The following MOB3B variants were observed in gnomAD, a reference collection of about 807,000 sequenced individuals.
MOB3B encodes MOB kinase activator 3B.
MOB3B carries 7 observed loss-of-function variants against 18.7 expected under a neutral mutation model. That is an observed-to-expected ratio of 0.37 (90% confidence interval 0.21 to 0.70). MOB3B has a LOEUF of 0.70. Ranked by LOEUF, MOB3B falls within the 30% of genes least tolerant of loss-of-function variation. The probability of loss-of-function intolerance (pLI) is 0.52; values close to 1 mark genes in which losing one functional copy is unlikely to be tolerated. For synonymous variants in MOB3B, 111 were observed against 99.9 expected, an observed-to-expected ratio of 1.11 and a Z score of -0.66; for missense variants, 253 against 281.3, an observed-to-expected ratio of 0.90 and a Z score of 0.72.
At chr9:27,479,773 T>C (rs1244471952) in intron 1 of MOB3B, among the ~76,000 whole-genome samples, 4 of 152,200 alleles carry the variant, frequency 2.6e-5, no homozygotes, top group Non-Finnish European at 5.9e-5. Context: ...AATAGAAATT[T>C]TGAATAACTT....
intron 2 of MOB3B, among the ~76,000 whole-genome samples, chr9:27,376,824 A>G (rs1198062404): frequency 6.6e-6 from 1 of 152,214 alleles, no homozygotes; most frequent in Non-Finnish European, 1.5e-5. Context: ...GGGTCCAGCA[A>G]TCTGTGCTTT....
chr9:27,356,310 CT>C (rs923305759), intron 3 of MOB3B, among the ~76,000 whole-genome samples: 15 of 152,248 alleles, frequency 9.9e-5, no homozygotes, highest in African/African-American at 3.6e-4. Flanking sequence ...AACCTGGTAC[CT>C]TTCTTGCTCA....
intron 2 of MOB3B, among the ~76,000 whole-genome samples, chr9:27,420,026 C>A (rs964114893): frequency 6.6e-6 from 1 of 151,880 alleles, no homozygotes; most frequent in East Asian, 1.9e-4. Flanking sequence ...AAAGAAGATA[C>A]ACAAATGGCC....
At chr9:27,509,209 A>G (rs1209967986) in intron 1 of MOB3B, among the ~76,000 whole-genome samples, 1 of 152,200 alleles carries the variant, frequency 6.6e-6, no homozygotes, top group Non-Finnish European at 1.5e-5. Flanking sequence ...CACATACATT[A>G]AGAGATACTG....
chr9:27,492,136 G>A (rs552085620), intron 1 of MOB3B, among the ~76,000 whole-genome samples: 1 of 152,248 alleles, frequency 6.6e-6, no homozygotes, highest in South Asian at 2.1e-4. Context: ...TGCTGTTTGT[G>A]CCTGTTTGTA....
At chr9:27,443,573 C>A (rs2764330) in intron 2 of MOB3B, among the ~76,000 whole-genome samples, 57,644 of 152,000 alleles carry the variant, frequency 0.38, 11,555 homozygotes, top group African/African-American at 0.52. Flanking sequence ...GATTTTACAG[C>A]TTTTCACTTT....
intron 3 of MOB3B, among the ~76,000 whole-genome samples, chr9:27,357,149 T>TATATATATATATATATATATATATATATA (rs1338116205): frequency 4.5e-5 from 2 of 44,380 alleles, no homozygotes; most frequent in Non-Finnish European, 9.6e-5. Flanking sequence ...TATATATGTG[T>TATATATATATATATATATATATATATATA]TTTTTTTTTT....
At chr9:27,404,051 G>C (rs547344745) in intron 2 of MOB3B, among the ~76,000 whole-genome samples, 1 of 151,968 alleles carries the variant, frequency 6.6e-6, no homozygotes, top group Admixed American at 6.6e-5. Flanking sequence ...CTGTATTTTT[G>C]TACCCATTAA....
chr9:27,370,312 C>A (rs1382740430), intron 2 of MOB3B, among the ~76,000 whole-genome samples: 2 of 151,920 alleles, frequency 1.3e-5, no homozygotes, highest in African/African-American at 4.8e-5. Context: ...AATTCAAGAC[C>A]GGCCTGACCA....
chr9:27,447,139 C>T (rs1377143905), intron 2 of MOB3B, among the ~76,000 whole-genome samples: 13 of 152,130 alleles, frequency 8.5e-5, no homozygotes, highest in Admixed American at 7.9e-4. Context: ...GGGTGTAAGG[C>T]AGGCTAATAA....
chr9:27,400,870 T>C (rs531950782), intron 2 of MOB3B, among the ~76,000 whole-genome samples: 1 of 152,386 alleles, frequency 6.6e-6, no homozygotes, highest in East Asian at 1.9e-4. Context: ...ATATTAAATA[T>C]CTAGCTTAGG....
intron 3 of MOB3B, 90 bp from the exon 4 acceptor site, chr9:27,330,706 G>C: frequency 1.9e-6 from 3 of 1,550,150 alleles, no homozygotes; most frequent in African/African-American, 1.4e-5. Context: ...TTGGAATCTC[G>C]AGAGCCTGTA....
intron 3 of MOB3B, among the ~76,000 whole-genome samples, chr9:27,339,443 T>C (rs974674763): frequency 6.6e-6 from 1 of 152,106 alleles, no homozygotes; most frequent in Non-Finnish European, 1.5e-5. Context: ...AGAGTCAGAG[T>C]GAACAAGATG....
intron 1 of MOB3B, among the ~76,000 whole-genome samples, chr9:27,465,890 T>C (rs1819376223): frequency 6.6e-6 from 1 of 152,092 alleles, no homozygotes; most frequent in South Asian, 2.1e-4. Flanking sequence ...AGCACGGGGA[T>C]CCTGGGACCG....
At chr9:27,382,121 C>T (rs778122764) in intron 2 of MOB3B, among the ~76,000 whole-genome samples, 3 of 152,064 alleles carry the variant, frequency 2.0e-5, no homozygotes, top group East Asian at 1.9e-4. Context: ...TTCAAATGAG[C>T]GATGAAATGA....
chr9:27,440,637 CTGTG>C (rs1422584087), intron 2 of MOB3B, among the ~76,000 whole-genome samples: 2 of 152,142 alleles, frequency 1.3e-5, no homozygotes, highest in African/African-American at 2.4e-5. Context: ...AAGATATTTT[CTGTG>C]TGTGTATCAA....
chr9:27,325,336 AAT>A lies in MOB3B; in HGVS notation c.*5249_*5250del, dbSNP rs1291084327. On this transcript the variant is annotated 3_prime_UTR_variant, in exon 4 of 4. Transcript: ENST00000262244. ...TAATTGTTAGTTTTCCTTATAGTCA[AAT>A]GCTTAATACAATCATAAATGGAACC... 1.9e-4 allele frequency: 29 copies of A among 152,190 alleles called. No homozygotes were observed. The highest frequency in any genetic ancestry group is 5.1e-4 in the African/African-American group (21 of 41,460). The allele number at this position is 152,190 out of a possible 1,614,324, so 9.4% of individuals were successfully genotyped here. A position where few individuals can be genotyped will look rare whatever the true frequency, so the allele number is the denominator to read the frequency against.
intron 2 of MOB3B, among the ~76,000 whole-genome samples, chr9:27,388,854 T>C (rs1336597277): frequency 2.0e-5 from 3 of 152,158 alleles, no homozygotes; most frequent in Non-Finnish European, 2.9e-5. Flanking sequence ...ACCCATTCCA[T>C]AATCCACAGG....
intron 2 of MOB3B, among the ~76,000 whole-genome samples, chr9:27,435,125 G>A (rs1822479770): frequency 6.6e-6 from 1 of 151,934 alleles, no homozygotes; most frequent in South Asian, 2.1e-4. Context: ...TAAATGAGGA[G>A]GGAGGGAAGG....
Sources: allele counts gnomAD v4.1 joint callset (sites outside exome capture counted in the v4.1 genomes callset), GRCh38; gene constraint gnomAD v4.1.1; transcripts MANE v1.5; gene names NCBI Gene and HGNC (gene_info 2026-07-23, HGNC 2026-07-21).